The following AFAP1L2 variants were observed in gnomAD, a reference collection of about 807,000 sequenced individuals.
The protein encoded by AFAP1L2 is actin filament-associated protein 1-like 2.
In AFAP1L2, 46 loss-of-function variants were observed where a neutral mutation model predicts 99.3. That is an observed-to-expected ratio of 0.46 (90% confidence interval 0.37 to 0.59). The LOEUF is 0.59. AFAP1L2 is among the 20% of genes least tolerant of loss of function. AFAP1L2 has a pLI of 0.00. For missense variants in AFAP1L2, 959 were observed against 1,034.9 expected, an observed-to-expected ratio of 0.93 and a Z score of 1.01; for synonymous variants, 397 against 419.1, an observed-to-expected ratio of 0.95 and a Z score of 0.64.
chr10:114,289,580 T>G, the AFAP1L2 span: 4 of 1,465,070 alleles, frequency 2.7e-6, no homozygotes, highest in African/African-American at 1.4e-5. Context: ...ATGGCAGCTC[T>G]TCCCAGCTAC....
intron 1 of AFAP1L2, among the ~76,000 whole-genome samples, chr10:114,387,055 G>T (rs1407279225): frequency 6.6e-6 from 1 of 152,068 alleles, no homozygotes; most frequent in Non-Finnish European, 1.5e-5. Flanking sequence ...CCCAACCCTG[G>T]GTCTCCATGG....
intron 1 of AFAP1L2, among the ~76,000 whole-genome samples, chr10:114,393,743 C>T (rs1164498017): frequency 1.3e-5 from 2 of 152,150 alleles, no homozygotes; most frequent in Non-Finnish European, 2.9e-5. Flanking sequence ...ACCTGGATCC[C>T]GTAACTCTTG....
At chr10:114,325,152 C>A (rs1391293478) in intron 4 of AFAP1L2, among the ~76,000 whole-genome samples, 1 of 152,222 alleles carries the variant, frequency 6.6e-6, no homozygotes, top group Non-Finnish European at 1.5e-5. Flanking sequence ...TATGTGACAG[C>A]CTCTCTGAGC....
chr10:114,292,603 G>A (rs10787522), downstream of AFAP1L2, among the ~76,000 whole-genome samples: 103,619 of 149,632 alleles, frequency 0.69, 38,833 homozygotes, highest in Non-Finnish European at 0.83. Flanking sequence ...CTTCCCTATC[G>A]CTGCAGTATT....
intron 2 of AFAP1L2, among the ~76,000 whole-genome samples, chr10:114,340,297 G>T (rs1354929030): frequency 6.6e-6 from 1 of 152,188 alleles, no homozygotes; most frequent in South Asian, 2.1e-4. Flanking sequence ...TCCAGACTGG[G>T]TGACAGAGTG....
At chr10:114,390,328 T>G (rs1421556631) in intron 1 of AFAP1L2, among the ~76,000 whole-genome samples, 4 of 152,146 alleles carry the variant, frequency 2.6e-5, no homozygotes, top group African/African-American at 7.2e-5. Context: ...CCATGACAAA[T>G]AATGCTGCAG....
rs565606381 is a variant in AFAP1L2, at chr10:114,377,863, T to G, written c.16+26577A>C. 6.6e-6 allele frequency among the ~76,000 whole-genome samples: 1 copy of G among 152,344 alleles called. No individual in the cohort carries two copies. Among genetic ancestry groups the G allele is most frequent in the Admixed American group, 6.5e-5 (1 of 15,310 alleles). On this transcript the variant is annotated intron_variant, in intron 1 of 18. Coordinates refer to ENST00000304129, the MANE Select transcript of AFAP1L2 (RefSeq NM_001001936.3). The surrounding 1 kb of genome is among the most constrained non-coding windows in gnomAD (Gnocchi z 4.0). ...CCAAGGGAGACTGAAGTCCTCCATA[T>G]GTCTGAGGGATTCTACAGAGAGCTC...
intron 1 of AFAP1L2, among the ~76,000 whole-genome samples, chr10:114,404,195 C>A (rs1453722069): frequency 3.3e-5 from 5 of 152,148 alleles, no homozygotes; most frequent in Non-Finnish European, 7.4e-5. Context: ...CCACGCCCCC[C>A]ACTGACGACC....
intron 1 of AFAP1L2, among the ~76,000 whole-genome samples, chr10:114,364,659 C>T (rs962204464): frequency 1.6e-4 from 25 of 152,304 alleles, no homozygotes; most frequent in Non-Finnish European, 5.9e-5. Flanking sequence ...AATCACATTC[C>T]AGGGCTTAGG....
At chr10:114,286,017 T>C in the AFAP1L2 span, 3 of 1,614,000 alleles carry the variant, frequency 1.9e-6, no homozygotes, top group African/African-American at 4.0e-5. Flanking sequence ...CTGGACGGCT[T>C]CCTGCGGGCC....
intron 1 of AFAP1L2, among the ~76,000 whole-genome samples, chr10:114,379,243 C>A (rs2055258099): frequency 6.6e-6 from 1 of 151,390 alleles, no homozygotes; most frequent in Non-Finnish European, 1.5e-5. Flanking sequence ...AACTGGTTAT[C>A]ACTGGCCATC....
chr10:114,305,317 G>A (rs2042013034), intron 10 of AFAP1L2, among the ~76,000 whole-genome samples: 2 of 149,018 alleles, frequency 1.3e-5, no homozygotes, highest in South Asian at 2.2e-4. Flanking sequence ...GGACGGAGCT[G>A]CAGGAGGGGT....
intron 10 of AFAP1L2, among the ~76,000 whole-genome samples, chr10:114,305,424 TGCAGGAGG>T (rs1441356848): frequency 2.0e-5 from 2 of 100,098 alleles, no homozygotes; most frequent in African/African-American, 5.2e-5. Context: ...GAGATGCAGA[TGCAGGAGG>T]GGACGCAGAT....
At chr10:114,360,522 T>G (rs2052178623) in intron 1 of AFAP1L2, among the ~76,000 whole-genome samples, 1 of 148,482 alleles carries the variant, frequency 6.7e-6, no homozygotes. Flanking sequence ...GATAGATAGA[T>G]AGATAGATAG....
intron 1 of AFAP1L2, among the ~76,000 whole-genome samples, chr10:114,358,935 A>T (rs2136441636): frequency 6.6e-6 from 1 of 151,944 alleles, no homozygotes; most frequent in East Asian, 1.9e-4. Flanking sequence ...AAAAAAAGAA[A>T]ATAGAGCCTT....
At chr10:114,340,837 C>T (rs2048716766) in intron 1 of AFAP1L2, 106 bp from the exon 2 acceptor site, 1 of 1,518,906 alleles carries the variant, frequency 6.6e-7, no homozygotes, top group Admixed American at 1.7e-5. Context: ...CCCTCTGGTC[C>T]CAAGAGGAAG....
the AFAP1L2 span, chr10:114,280,736 T>G: frequency 6.6e-6 from 1 of 152,014 alleles, no homozygotes; most frequent in African/African-American, 2.4e-5. Context: ...TTGGCAAACT[T>G]TGTTTTTATT....
At chr10:114,282,929 G>A in the AFAP1L2 span, among the ~76,000 whole-genome samples, 5 of 152,298 alleles carry the variant, frequency 3.3e-5, no homozygotes, top group East Asian at 3.9e-4. Flanking sequence ...TGGTTTGTCC[G>A]ATGTCTGGAA....
rs111356293 is a variant in AFAP1L2, at chr10:114,313,938, G to A, written c.725C>T (p.Thr242Met). ...CACAATCACATCGGCATTCATCGGC[G>A]TGATCTTCAGCTTGTGCTCCTTCTT... ...VRKKEHKLKI[T>M]PMNADVIVLG... Residue 242 changes from threonine to methionine, a missense_variant, in exon 7 of 19, where the codon ACG becomes ATG. Coordinates refer to ENST00000304129, the MANE Select transcript of AFAP1L2 (RefSeq NM_001001936.3). 3.1e-4 allele frequency: 500 copies of A among 1,614,022 alleles called. 1 individual carries two copies. In the African/African-American group the frequency reaches 6.0e-3, roughly 19 times the overall value.
Sources: gnomAD v4.1 joint callset for allele counts (sites outside exome capture counted in the v4.1 genomes callset) on GRCh38, gnomAD v4.1.1 for gene constraint, Gnocchi (gnomAD v3.1) non-coding constraint, MANE v1.5 for transcripts, NCBI Gene and HGNC (gene_info 2026-07-23, HGNC 2026-07-21) for gene names.